The following EPS15 variants were observed in gnomAD, a reference collection of about 807,000 sequenced individuals.
EPS15 encodes the protein epidermal growth factor receptor substrate 15.
In EPS15, 72 loss-of-function variants were observed where a neutral mutation model predicts 113.8. The ratio of observed to expected loss-of-function variants is 0.63; its 90% CI spans 0.52 to 0.77. EPS15 has a LOEUF of 0.77. EPS15 is among the 30% of genes least tolerant of loss of function. The pLI is 0.00. For synonymous variants in EPS15, 344 were observed against 363.4 expected (o/e 0.95, Z 0.61); for missense variants, 1,048 against 1,045.8 (o/e 1.00, Z -0.03).
At chr1:51,403,201 C>T (rs2148420434) in intron 17 of EPS15, among the ~76,000 whole-genome samples, 1 of 152,228 alleles carries the variant, frequency 6.6e-6, no homozygotes, top group East Asian at 1.9e-4. Context: ...CCACATCCAG[C>T]TATTAAGAAC....
intron 12 of EPS15, among the ~76,000 whole-genome samples, chr1:51,439,245 G>A (rs138439350): frequency 6.6e-6 from 1 of 152,090 alleles, no homozygotes; most frequent in African/African-American, 2.4e-5. Context: ...AAAGGTTTCA[G>A]TTTCACAAGT....
At chr1:51,486,216 G>A (rs1446019329) in intron 1 of EPS15, among the ~76,000 whole-genome samples, 4 of 150,286 alleles carry the variant, frequency 2.7e-5, no homozygotes, top group African/African-American at 9.8e-5. Flanking sequence ...TCAGGAGTTC[G>A]AGACCAGCCT....
intron 21 of EPS15, among the ~76,000 whole-genome samples, chr1:51,380,664 A>G (rs1352137229): frequency 6.6e-6 from 1 of 152,198 alleles, no homozygotes; most frequent in Non-Finnish European, 1.5e-5. Flanking sequence ...ACAGAAACAA[A>G]CAGCAAAATG....
chr1:51,505,872 A>C (rs1378451547), intron 1 of EPS15, among the ~76,000 whole-genome samples: 1 of 132,908 alleles, frequency 7.5e-6, no homozygotes, highest in Non-Finnish European at 1.7e-5. Flanking sequence ...GCTCACTACA[A>C]TTTATTTATT....
chr1:51,361,049 A>G (rs1195022816), intron 24 of EPS15, 122 bp downstream of exon 24: 1 of 742,198 alleles, frequency 1.3e-6, no homozygotes, highest in Non-Finnish European at 2.2e-6. Context: ...GGGAAGAATG[A>G]AAGATCATTT....
chr1:51,502,187 C>T lies in EPS15; in HGVS notation c.33+17012G>A, dbSNP rs558041181. Reference sequence around the variant, plus strand: ...GGAGGCTGAGGCAGAATTACTTAAGCCCAGGAGGTCAAGGCTGCAGTAAGC... The same window carrying T: ...GGAGGCTGAGGCAGAATTACTTAAGTCCAGGAGGTCAAGGCTGCAGTAAGC... On this transcript the variant is annotated intron_variant, in intron 1 of 24. Transcript: ENST00000371733. 3.9e-5 allele frequency among the ~76,000 whole-genome samples: 6 copies of T among 152,146 alleles called. No homozygotes were observed. In the South Asian group the frequency reaches 6.2e-4, roughly 16 times the overall value.
At chr1:51,410,061 CAAA>C (rs1352864932) in intron 13 of EPS15, among the ~76,000 whole-genome samples, 1 of 109,088 alleles carries the variant, frequency 9.2e-6, no homozygotes. Context: ...AACAAAAATG[CAAA>C]AAAAAAAAAA....
chr1:51,375,557 C>T (rs962367267), intron 21 of EPS15, among the ~76,000 whole-genome samples: 7 of 152,120 alleles, frequency 4.6e-5, no homozygotes, highest in African/African-American at 1.7e-4. Context: ...AACATCACCT[C>T]TCAGAATCTC....
Position 51,508,248 on chromosome 1 carries a change from A to AAG in EPS15, c.33+10949_33+10950dup, listed in dbSNP as rs151142424. ...GAAAAGAAAAGAAAAGAAAGAGAGA[A>AAG]AGAGAGAGAGAGAGAGAGAGAGAGA... On this transcript the variant is annotated intron_variant, in intron 1 of 24. Transcript: ENST00000371733. Among the ~76,000 whole-genome samples the AAG allele has an allele frequency of 9.3e-3, 968 of 103,930 alleles. 16 individuals carry two copies. The highest frequency in any genetic ancestry group is 0.042 in the African/African-American group (853 of 20,136). 68.2% of individuals were successfully genotyped at this position (103,930 alleles called of 152,430 possible).
intron 8 of EPS15, among the ~76,000 whole-genome samples, chr1:51,452,724 T>C (rs1440225625): frequency 6.6e-6 from 1 of 152,222 alleles, no homozygotes; most frequent in African/African-American, 2.4e-5. Flanking sequence ...GCTCTTGTTT[T>C]TTCCAAATTT....
Position 51,488,643 on chromosome 1 carries a change from G to A in EPS15, c.34-7329C>T, listed in dbSNP as rs1198802073. 3.3e-5 allele frequency among the ~76,000 whole-genome samples: 5 copies of A among 152,074 alleles called. No individual in the cohort carries two copies. The East Asian group carries it at 9.6e-4, about 29-fold the overall frequency. On this transcript the variant is annotated intron_variant, in intron 1 of 24. Coordinates refer to ENST00000371733, the MANE Select transcript of EPS15 (RefSeq NM_001981.3). The stretch of plus-strand genomic sequence containing the variant: ...GATCCCACTCAGTCCTGGCTGAAGT[G>A]CAGTGATACAATCACACTGCTGCCT...
intron 1 of EPS15, among the ~76,000 whole-genome samples, chr1:51,512,827 T>C (rs1053501348): frequency 7.3e-5 from 11 of 151,124 alleles, no homozygotes; most frequent in African/African-American, 2.7e-4. Context: ...TGTTTCTGAA[T>C]GTAAATGAGC....
chr1:51,499,406 AT>A (rs2148548394), intron 1 of EPS15, among the ~76,000 whole-genome samples: 1 of 152,170 alleles, frequency 6.6e-6, no homozygotes, highest in African/African-American at 2.4e-5. Context: ...CTACCTTTTA[AT>A]TCTTGTGAAT....
At chr1:51,471,810 G>A in intron 3 of EPS15, 73 bp from the exon 4 acceptor site, 1 of 1,087,146 alleles carries the variant, frequency 9.2e-7, no homozygotes. Flanking sequence ...TTAAATCTCT[G>A]CTATTTACAA....
intron 14 of EPS15, among the ~76,000 whole-genome samples, chr1:51,408,683 G>A (rs1023947131): frequency 2.0e-5 from 3 of 152,006 alleles, no homozygotes; most frequent in African/African-American, 7.2e-5. Context: ...GCAATGGCAC[G>A]ATCACAGCTC....
At chr1:51,367,485 G>A (rs1417788421) in intron 21 of EPS15, among the ~76,000 whole-genome samples, 4 of 152,106 alleles carry the variant, frequency 2.6e-5, no homozygotes, top group African/African-American at 7.2e-5. Flanking sequence ...CCCAGGAGGC[G>A]GAGGTTGCAG....
chr1:51,431,572 AG>A (rs959220284), intron 12 of EPS15, among the ~76,000 whole-genome samples: 12 of 151,780 alleles, frequency 7.9e-5, no homozygotes, highest in African/African-American at 2.9e-4. Flanking sequence ...CGGCCTTCAG[AG>A]AAGCTGGGAT....
chr1:51,436,875 G>C (rs145591659), intron 12 of EPS15, among the ~76,000 whole-genome samples: 72 of 152,160 alleles, frequency 4.7e-4, no homozygotes, highest in Non-Finnish European at 9.9e-4. Context: ...GACAATTAGG[G>C]AATTCATATC....
At chr1:51,430,233 A>G (rs1433108190) in intron 12 of EPS15, among the ~76,000 whole-genome samples, 4 of 152,106 alleles carry the variant, frequency 2.6e-5, no homozygotes, top group African/African-American at 9.7e-5. Flanking sequence ...TTCGTTTTTA[A>G]TTTAAACAAT....
Sources: allele counts gnomAD v4.1 joint callset (sites outside exome capture counted in the v4.1 genomes callset), GRCh38; gene constraint gnomAD v4.1.1; transcripts MANE v1.5; gene names NCBI Gene and HGNC (gene_info 2026-07-23, HGNC 2026-07-21).